The following XKR4 variants were observed in gnomAD, a reference collection of about 807,000 sequenced individuals.
XKR4 encodes the protein XK related 4.
XKR4 carries 12 observed loss-of-function variants against 53.9 expected under a neutral mutation model. That is an observed-to-expected ratio of 0.22 (90% CI 0.14 to 0.36). The LOEUF is 0.36. XKR4 is among the 10% of genes least tolerant of loss of function. The pLI is 1.00. For synonymous variants in XKR4, 354 were observed against 362.4 expected (o/e 0.98, Z 0.26); for missense variants, 799 against 859.5 (o/e 0.93, Z 0.88).
At chr8:55,467,518 G>A (rs1011880891) in intron 2 of XKR4, among the ~76,000 whole-genome samples, 2 of 152,156 alleles carry the variant, frequency 1.3e-5, no homozygotes, top group South Asian at 2.1e-4. Flanking sequence ...GGGACTGGGG[G>A]CCATCTTAGA....
chr8:55,464,488 G>A (rs568237090), intron 2 of XKR4, among the ~76,000 whole-genome samples: 1 of 152,030 alleles, frequency 6.6e-6, no homozygotes, highest in Non-Finnish European at 1.5e-5. Flanking sequence ...AAAATAATAA[G>A]AGCTATCTAT....
chr8:55,357,572 T>A, intron 1 of XKR4, 106 bp from the exon 2 acceptor site: 1 of 1,169,610 alleles, frequency 8.5e-7, no homozygotes, highest in Non-Finnish European at 1.2e-6. Context: ...TAATTGTTTC[T>A]TGTGCTTGCT....
rs1185997643 is a variant in XKR4, at chr8:55,540,564, G to C, written c.*16337G>C. 6 of 152,162 alleles carry C rather than the reference G, an allele frequency of 3.9e-5. No homozygotes were observed. The highest frequency in any genetic ancestry group is 8.8e-5 in the Non-Finnish European group (6 of 68,034). 9.4% of individuals were successfully genotyped at this position (152,162 alleles called of 1,614,324 possible). A position where few individuals can be genotyped will look rare whatever the true frequency, so the allele number is the denominator to read the frequency against. On this transcript the variant is annotated 3_prime_UTR_variant, in exon 3 of 3. Transcript: ENST00000327381. ...TTTCTGCTTTTCCTCTCTGTAGCCA[G>C]ACAGCTCAATAGCCTAGGGAGAGTC...
At chr8:55,250,336 A>G (rs532878765) in intron 1 of XKR4, among the ~76,000 whole-genome samples, 16 of 152,214 alleles carry the variant, frequency 1.1e-4, no homozygotes, top group Non-Finnish European at 1.9e-4. Context: ...AATGAAGCAC[A>G]TTTATTGTAA....
At chr8:55,452,836 G>A in intron 2 of XKR4, 1 of 769,342 alleles carries the variant, frequency 1.3e-6, no homozygotes, top group Non-Finnish European at 2.4e-6. Flanking sequence ...AGGTCACCCA[G>A]CTCCTGAAGC....
intron 1 of XKR4, among the ~76,000 whole-genome samples, chr8:55,251,030 C>A (rs1374845663): frequency 6.6e-6 from 1 of 152,184 alleles, no homozygotes; most frequent in Admixed American, 6.5e-5. Context: ...ACGAAGTACA[C>A]CCTCAAGAAG....
At chr8:55,327,184 T>C (rs1585522601) in intron 1 of XKR4, among the ~76,000 whole-genome samples, 1 of 152,302 alleles carries the variant, frequency 6.6e-6, no homozygotes, top group African/African-American at 2.4e-5. Context: ...ATTAGCTTCA[T>C]AATCATTGTA....
At chr8:55,223,054 G>A (rs1817902195) in intron 1 of XKR4, among the ~76,000 whole-genome samples, 1 of 152,132 alleles carries the variant, frequency 6.6e-6, no homozygotes, top group African/African-American at 2.4e-5. Flanking sequence ...AAGAGCACCT[G>A]ACTGAGGTCA....
chr8:55,368,767 A>G (rs1324310175), intron 2 of XKR4, among the ~76,000 whole-genome samples: 1 of 152,226 alleles, frequency 6.6e-6, no homozygotes, highest in Non-Finnish European at 1.5e-5. Flanking sequence ...CTCTGACTGA[A>G]GAATGCTGAC....
chr8:55,432,398 A>G (rs1805116486), intron 2 of XKR4, among the ~76,000 whole-genome samples: 3 of 152,224 alleles, frequency 2.0e-5, no homozygotes, highest in African/African-American at 7.2e-5. Context: ...ACCTGGCAGG[A>G]AGTAAATGCT....
intron 2 of XKR4, among the ~76,000 whole-genome samples, chr8:55,431,716 C>T (rs1805108068): frequency 6.6e-6 from 1 of 152,194 alleles, no homozygotes; most frequent in South Asian, 2.1e-4. Context: ...CAGTTCCTAG[C>T]ATAAATACAT....
intron 1 of XKR4, among the ~76,000 whole-genome samples, chr8:55,206,926 A>C (rs1434834387): frequency 6.6e-6 from 1 of 152,256 alleles, no homozygotes; most frequent in Non-Finnish European, 1.5e-5. Context: ...CCTCTCATTC[A>C]GCTGAATAAC....
intron 1 of XKR4, among the ~76,000 whole-genome samples, chr8:55,190,792 C>T (rs1380113543): frequency 1.3e-5 from 2 of 152,132 alleles, no homozygotes; most frequent in Admixed American, 6.6e-5. Flanking sequence ...AGAGGGCCTC[C>T]GCTTTATGGA....
At chr8:55,514,878 T>C (rs1806687807) in intron 2 of XKR4, among the ~76,000 whole-genome samples, 1 of 152,208 alleles carries the variant, frequency 6.6e-6, no homozygotes, top group Non-Finnish European at 1.5e-5. Flanking sequence ...ACAGAATTTT[T>C]TTCTCAGAGA....
At chr8:55,401,256 C>G (rs1289300781) in intron 2 of XKR4, among the ~76,000 whole-genome samples, 2 of 152,216 alleles carry the variant, frequency 1.3e-5, no homozygotes, top group Non-Finnish European at 2.9e-5. Context: ...GTCCTGAGGA[C>G]AGCTCCCTTT....
At chr8:55,285,713 A>T (rs1818899323) in intron 1 of XKR4, among the ~76,000 whole-genome samples, 1 of 152,150 alleles carries the variant, frequency 6.6e-6, no homozygotes, top group Non-Finnish European at 1.5e-5. Context: ...AGGATCTCCA[A>T]GTTGTCTGAG....
intron 1 of XKR4, among the ~76,000 whole-genome samples, chr8:55,339,095 TAGA>T (rs1186657222): frequency 6.6e-6 from 1 of 152,188 alleles, no homozygotes; most frequent in East Asian, 1.9e-4. Flanking sequence ...AAAATTTTAA[TAGA>T]AGAACAGAAG....
intron 2 of XKR4, among the ~76,000 whole-genome samples, chr8:55,502,621 A>T (rs1806462455): frequency 6.6e-6 from 1 of 151,676 alleles, no homozygotes; most frequent in Non-Finnish European, 1.5e-5. Context: ...TTTTTTTAAT[A>T]TATCTTTATC....
chr8:55,293,800 G>T (rs1431287177), intron 1 of XKR4, among the ~76,000 whole-genome samples: 2 of 152,108 alleles, frequency 1.3e-5, no homozygotes, highest in Non-Finnish European at 2.9e-5. Context: ...TTACAATATT[G>T]ATTTGACTCA....
Sources: gnomAD v4.1 joint callset for allele counts (sites outside exome capture counted in the v4.1 genomes callset) on GRCh38, gnomAD v4.1.1 for gene constraint, MANE v1.5 for transcripts, NCBI Gene and HGNC (gene_info 2026-07-23, HGNC 2026-07-21) for gene names.